Variants in ZNF782 observed in about 807,000 individuals in gnomAD.
ZNF782 encodes the protein zinc finger protein 782.
In ZNF782, 12 loss-of-function variants were observed where a neutral mutation model predicts 13.0. The ratio of observed to expected loss-of-function variants is 0.92; its 90% CI spans 0.59 to 1.50. The LOEUF (loss-of-function observed/expected upper bound fraction) is 1.50, where lower values mean the gene tolerates loss of function less well. ZNF782 is among the 40% of genes most tolerant of loss of function. The pLI is 0.00. For synonymous variants in ZNF782, 284 were observed against 283.0 expected, an observed-to-expected ratio of 1.00 and a Z score of -0.04; for missense variants, 770 against 822.9, an observed-to-expected ratio of 0.94 and a Z score of 0.79.
chr9:96,834,512 C>A (rs1850921455), intron 4 of ZNF782, among the ~76,000 whole-genome samples: 1 of 150,664 alleles, frequency 6.6e-6, no homozygotes, highest in South Asian at 2.1e-4. Flanking sequence ...TGTACTAGTT[C>A]CTGTGACAGT....
intron 5 of ZNF782, among the ~76,000 whole-genome samples, chr9:96,825,650 C>T (rs1218412518): frequency 5.3e-5 from 8 of 152,034 alleles, no homozygotes; most frequent in Non-Finnish European, 1.2e-4. Flanking sequence ...TTTTCGCAAC[C>T]TACTCATCTG....
the ZNF782 span, among the ~76,000 whole-genome samples, chr9:96,915,911 T>TTATATATATC: frequency 1.4e-5 from 2 of 146,424 alleles, no homozygotes; most frequent in Admixed American, 1.4e-4. Flanking sequence ...ATTATTTATA[T>TTATATATATC]TATATATATC....
chr9:96,834,571 T>A (rs1457626231), intron 4 of ZNF782, among the ~76,000 whole-genome samples: 2 of 152,244 alleles, frequency 1.3e-5, no homozygotes, highest in Non-Finnish European at 1.5e-5. Flanking sequence ...CCATGCAATT[T>A]CTTTGCACAT....
At chr9:96,823,490 C>T (rs1459691338) in intron 5 of ZNF782, among the ~76,000 whole-genome samples, 1 of 151,230 alleles carries the variant, frequency 6.6e-6, no homozygotes, top group African/African-American at 2.5e-5. Context: ...TTAAAATATC[C>T]TTTTAAAACT....
At chr9:96,826,348 A>G (rs1226423680) in intron 5 of ZNF782, among the ~76,000 whole-genome samples, 1 of 151,732 alleles carries the variant, frequency 6.6e-6, no homozygotes, top group Non-Finnish European at 1.5e-5. Context: ...GAATTGAACA[A>G]TGAGAACACA....
exon 3 of ZNF782, chr9:96,860,334 G>A (rs1240264783): frequency 1.3e-5 from 2 of 152,564 alleles, no homozygotes; most frequent in Non-Finnish European, 2.9e-5. Context: ...GCGCTGTGCC[G>A]GCTTCAGGTC....
intron 3 of ZNF782, 35 bp from the exon 4 acceptor site, chr9:96,845,051 C>T: frequency 6.2e-7 from 1 of 1,611,372 alleles, no homozygotes; most frequent in African/African-American, 1.3e-5. Context: ...TCTGAGTGTT[C>T]AGAATCAAGG....
chr9:96,860,260 G>T (rs1482888311), exon 3 of ZNF782: 1 of 152,728 alleles, frequency 6.5e-6, no homozygotes, highest in Non-Finnish European at 1.5e-5. Flanking sequence ...GGAGAGCCCT[G>T]GGGCCTTGAG....
Position 96,852,611 on chromosome 9 carries a change from C to T in ZNF782, c.-45+242G>A, listed in dbSNP as rs139306525. Among the ~76,000 whole-genome samples the T allele has an allele frequency of 6.6e-5, 10 of 152,340 alleles. 1 individual carries two copies. Among genetic ancestry groups the T allele is most frequent in the African/African-American group, 2.4e-4 (10 of 41,576 alleles). Reference sequence around the variant, plus strand: ...GCAGTGAGCCATGTTTGTGCCACTGCACTCCTGCCTGGACAACAGGATGAG... The same window carrying T: ...GCAGTGAGCCATGTTTGTGCCACTGTACTCCTGCCTGGACAACAGGATGAG... On this transcript the variant is annotated intron_variant, in intron 2 of 5. Transcript: ENST00000481138.
the ZNF782 span, chr9:96,932,496 T>C: frequency 1.7e-6 from 2 of 1,161,982 alleles, no homozygotes; most frequent in Non-Finnish European, 2.5e-6. Context: ...GAGGTCACAC[T>C]GTTCAGGGGA....
the ZNF782 span, among the ~76,000 whole-genome samples, chr9:96,915,008 T>C: frequency 6.6e-6 from 1 of 150,580 alleles, no homozygotes; most frequent in Non-Finnish European, 1.5e-5. Context: ...GTGCATAAAA[T>C]GTGTCGGGGT....
In ZNF782 at chr9:96,851,913, A is replaced by G. The variant is rs745618841; in HGVS notation, c.15+34T>C. The G allele has an allele frequency of 5.6e-6, 9 of 1,606,952 alleles. No homozygotes were observed. The Admixed American group carries it at 1.0e-4, about 18-fold the overall frequency. ...CTATCTAAACCTCATAAAATCCATT[A>G]CAATACAAAGTGGGGAATGAATAAA... On this transcript the variant is annotated intron_variant, in intron 3 of 5. Transcript: ENST00000481138.
intron 4 of ZNF782, among the ~76,000 whole-genome samples, chr9:96,843,932 A>G (rs1851263964): frequency 6.6e-6 from 1 of 152,180 alleles, no homozygotes; most frequent in Admixed American, 6.5e-5. Context: ...CAAAAATACT[A>G]AAAACTAAAC....
chr9:96,841,006 A>G (rs1398939743), intron 4 of ZNF782, among the ~76,000 whole-genome samples: 1 of 152,006 alleles, frequency 6.6e-6, no homozygotes, highest in African/African-American at 2.4e-5. Context: ...ACCTGTAGGA[A>G]GAGTGAACAA....
chr9:96,917,377 G>A, the ZNF782 span, among the ~76,000 whole-genome samples: 1 of 151,632 alleles, frequency 6.6e-6, no homozygotes, highest in African/African-American at 2.4e-5. Context: ...AAAATTGGAA[G>A]CTACATAAAT....
At chr9:96,876,943 C>CAAAAAAAAA (rs398011569), upstream of ZNF782, among the ~76,000 whole-genome samples, 144 of 42,826 alleles carry the variant, frequency 3.4e-3, no homozygotes, top group Middle Eastern at 0.028. Flanking sequence ...AACTCCGACT[C>CAAAAAAAAA]AAAAAAAAAA....
chr9:96,829,883 G>C (rs1015695430), intron 4 of ZNF782, among the ~76,000 whole-genome samples: 1 of 152,160 alleles, frequency 6.6e-6, no homozygotes, highest in Non-Finnish European at 1.5e-5. Context: ...TTTCTGGCAT[G>C]TATAGCTAAA....
intron 4 of ZNF782, among the ~76,000 whole-genome samples, chr9:96,828,395 G>A (rs749073289): frequency 6.6e-6 from 1 of 152,154 alleles, no homozygotes; most frequent in Non-Finnish European, 1.5e-5. Context: ...TCAGAAATAT[G>A]TAAAAGAATA....
chr9:96,847,530 TGA>T (rs1851376122), intron 3 of ZNF782, among the ~76,000 whole-genome samples: 1 of 152,164 alleles, frequency 6.6e-6, no homozygotes, highest in South Asian at 2.1e-4. Context: ...AAGACTACTA[TGA>T]ACGCCTTCAT....
Sources: gnomAD v4.1 joint callset for allele counts (sites outside exome capture counted in the v4.1 genomes callset) on GRCh38, gnomAD v4.1.1 for gene constraint, MANE v1.5 for transcripts, NCBI Gene and HGNC (gene_info 2026-07-23, HGNC 2026-07-21) for gene names.